SASH1: variants seen among roughly 807,000 people sequenced by gnomAD.
SASH1 encodes the protein SAM and SH3 domain-containing protein 1.
In SASH1, 44 loss-of-function variants were observed where a neutral mutation model predicts 125.2. The observed-to-expected ratio is 0.35, with a 90% CI of 0.28 to 0.45. SASH1 has a LOEUF of 0.45. Ranked by LOEUF, SASH1 falls within the 20% of genes least tolerant of loss-of-function variation. SASH1 has a pLI of 1.00. For missense variants in SASH1, 1,426 were observed against 1,614.5 expected (o/e 0.88, Z 2.00); for synonymous variants, 639 against 649.1 (o/e 0.98, Z 0.24).
At chr6:148,259,324 G>C in the SASH1 span, among the ~76,000 whole-genome samples, 1 of 152,312 alleles carries the variant, frequency 6.6e-6, no homozygotes, top group South Asian at 2.1e-4. Context: ...AATGCCCATG[G>C]TGTAAACAAT....
chr6:148,539,592 T>A (rs1321681011), intron 16 of SASH1, among the ~76,000 whole-genome samples: 1 of 152,182 alleles, frequency 6.6e-6, no homozygotes, highest in African/African-American at 2.4e-5. Context: ...ATTTTCTTTA[T>A]CCACTCAGAA....
intron 1 of SASH1, among the ~76,000 whole-genome samples, chr6:148,327,679 G>A (rs1456904138): frequency 2.7e-5 from 4 of 149,930 alleles, no homozygotes; most frequent in East Asian, 4.1e-4. Context: ...AGTGGCTCAC[G>A]CCTGTAATCC....
chr6:148,364,694 G>A (rs1782377521), intron 1 of SASH1, among the ~76,000 whole-genome samples: 1 of 152,148 alleles, frequency 6.6e-6, no homozygotes, highest in African/African-American at 2.4e-5. Context: ...CACGGGAAAT[G>A]GGAAGAACAC....
At chr6:148,448,255 C>T (rs553664180) in intron 4 of SASH1, among the ~76,000 whole-genome samples, 52 of 152,178 alleles carry the variant, frequency 3.4e-4, no homozygotes, top group African/African-American at 1.2e-3. Flanking sequence ...TTGAATAAAT[C>T]GATTGAGTGA....
At chr6:148,233,392 C>T in the SASH1 span, among the ~76,000 whole-genome samples, 57 of 152,204 alleles carry the variant, frequency 3.7e-4, 1 homozygote, top group South Asian at 0.011. Context: ...CCAGAACCTT[C>T]ACCCACCCAG....
chr6:148,275,436 T>C (rs1779158479), intron 1 of SASH1, among the ~76,000 whole-genome samples: 1 of 152,136 alleles, frequency 6.6e-6, no homozygotes. Flanking sequence ...GACTGTCTTA[T>C]TCCTCTTCTA....
At chr6:148,428,703 G>A (rs1238317205) in intron 2 of SASH1, among the ~76,000 whole-genome samples, 2 of 151,390 alleles carry the variant, frequency 1.3e-5, no homozygotes, top group Non-Finnish European at 2.9e-5. Flanking sequence ...CTAATGGCTG[G>A]GTGGAAATTG....
intron 2 of SASH1, among the ~76,000 whole-genome samples, chr6:148,400,977 G>T (rs1784147441): frequency 6.6e-6 from 1 of 152,118 alleles, no homozygotes; most frequent in Non-Finnish European, 1.5e-5. Context: ...AGGTGTGGTG[G>T]CTCATGACTG....
chr6:148,272,541 C>T (rs905795744), intron 1 of SASH1, among the ~76,000 whole-genome samples: 3 of 152,226 alleles, frequency 2.0e-5, no homozygotes, highest in Non-Finnish European at 2.9e-5. Flanking sequence ...ATTCCGAGGG[C>T]GCTAGGCAGT....
chr6:148,260,838 G>A, the SASH1 span, among the ~76,000 whole-genome samples: 1 of 121,926 alleles, frequency 8.2e-6, no homozygotes, highest in Admixed American at 1.1e-4. Flanking sequence ...GTCTTGCTCT[G>A]TGGCCCAGGC....
chr6:148,524,100 TATA>T (rs1562481964), intron 10 of SASH1, among the ~76,000 whole-genome samples: 46 of 92,506 alleles, frequency 5.0e-4, no homozygotes, highest in Middle Eastern at 9.9e-3. Flanking sequence ...CAGTTAATTA[TATA>T]TATATATATA....
At chr6:148,303,641 A>G (rs1780034918) in intron 1 of SASH1, among the ~76,000 whole-genome samples, 1 of 151,934 alleles carries the variant, frequency 6.6e-6, no homozygotes, top group Admixed American at 6.6e-5. Flanking sequence ...TACTAAAAAT[A>G]CAGAACTTAG....
chr6:148,403,730 C>G (rs9767275), intron 2 of SASH1, among the ~76,000 whole-genome samples: 5 of 152,036 alleles, frequency 3.3e-5, no homozygotes, highest in African/African-American at 1.2e-4. Context: ...TTGGGTTTTG[C>G]TATGTTGGCC....
the SASH1 span, among the ~76,000 whole-genome samples, chr6:148,233,970 A>G: frequency 6.6e-6 from 1 of 151,952 alleles, no homozygotes; most frequent in Non-Finnish European, 1.5e-5. Context: ...AAAAGAAAAA[A>G]ATACTAGAAA....
At chr6:148,286,877 C>T (rs192150155) in intron 1 of SASH1, among the ~76,000 whole-genome samples, 24 of 152,262 alleles carry the variant, frequency 1.6e-4, no homozygotes, top group Admixed American at 3.9e-4. Flanking sequence ...CAACCCAGAG[C>T]GGTCCAGAGA....
At chr6:148,426,874 C>G (rs193126634) in intron 2 of SASH1, among the ~76,000 whole-genome samples, 30 of 152,288 alleles carry the variant, frequency 2.0e-4, no homozygotes, top group Admixed American at 1.8e-3. Flanking sequence ...GTGGCTCACA[C>G]GGGTAATCCC....
chr6:148,274,478 C>G (rs1406182936), intron 1 of SASH1, among the ~76,000 whole-genome samples: 2 of 152,182 alleles, frequency 1.3e-5, no homozygotes, highest in Non-Finnish European at 2.9e-5. Flanking sequence ...TGGGACTATG[C>G]CCTCTTAATC....
At chr6:148,472,792 A>G (rs77092427) in intron 6 of SASH1, among the ~76,000 whole-genome samples, 10,205 of 152,270 alleles carry the variant, frequency 0.067, 441 homozygotes, top group Non-Finnish European at 0.097. Flanking sequence ...ATGGTTTCCT[A>G]CAAGTCTACA....
intron 1 of SASH1, among the ~76,000 whole-genome samples, chr6:148,292,754 G>A (rs764698394): frequency 9.9e-5 from 15 of 152,054 alleles, no homozygotes; most frequent in Non-Finnish European, 2.2e-4. Flanking sequence ...GCTTTAAAAG[G>A]TCTATGTGAA....
Sources: allele counts gnomAD v4.1 joint callset (sites outside exome capture counted in the v4.1 genomes callset), GRCh38; gene constraint gnomAD v4.1.1; transcripts MANE v1.5; gene names NCBI Gene and HGNC (gene_info 2026-07-23, HGNC 2026-07-21).